ECHDC2: variants seen among roughly 807,000 people sequenced by gnomAD.
ECHDC2 encodes the protein enoyl-CoA hydratase domain-containing protein 2, mitochondrial.
A neutral mutation model predicts 40.6 loss-of-function variants in ECHDC2; 34 were observed. The observed-to-expected ratio is 0.84, with a 90% CI of 0.64 to 1.11. The LOEUF is 1.11. ECHDC2 is among the 50% of genes most tolerant of loss of function. ECHDC2 has a pLI of 0.00. For missense variants in ECHDC2, 392 were observed against 400.7 expected (o/e 0.98, Z 0.19); for synonymous variants, 162 against 166.6 (o/e 0.97, Z 0.21).
intron 4 of ECHDC2, 29 bp downstream of exon 4, chr1:52,907,839 C>T (rs1203250306): frequency 1.3e-6 from 2 of 1,591,304 alleles, no homozygotes; most frequent in African/African-American, 1.3e-5. Flanking sequence ...CCCCAAACCC[C>T]CTCCTCCACC....
At chr1:52,921,454 C>G (rs753308388) in intron 1 of ECHDC2, 99 bp downstream of exon 1, 2 of 1,461,610 alleles carry the variant, frequency 1.4e-6, no homozygotes, top group Non-Finnish European at 1.8e-6. Flanking sequence ...GACTGGGGAT[C>G]GAATCCTTCA....
intron 3 of ECHDC2, 44 bp from the exon 4 acceptor site, chr1:52,907,998 C>A: frequency 6.3e-7 from 1 of 1,584,448 alleles, no homozygotes; most frequent in Middle Eastern, 1.7e-4. Flanking sequence ...GAAAATGGCA[C>A]TTTACGGAAT....
At chr1:52,921,500 C>T in intron 1 of ECHDC2, 53 bp downstream of exon 1, 1 of 1,563,602 alleles carries the variant, frequency 6.4e-7, no homozygotes, top group Non-Finnish European at 8.6e-7. Context: ...TCCCCCGCTG[C>T]CTCCGGCCTA....
chr1:52,897,582 G>C, intron 8 of ECHDC2, 98 bp from the exon 9 acceptor site: 1 of 1,131,624 alleles, frequency 8.8e-7, no homozygotes, highest in Middle Eastern at 2.2e-4. Flanking sequence ...ATCTATATGA[G>C]CAGAGATAGC....
chr1:52,902,359 G>A (rs1309782570), intron 7 of ECHDC2, among the ~76,000 whole-genome samples: 1 of 152,104 alleles, frequency 6.6e-6, no homozygotes, highest in Non-Finnish European at 1.5e-5. Flanking sequence ...GTTTTGCCAT[G>A]TTGGCCAGGC....
At chr1:52,906,251 C>T (rs1304904266) in intron 5 of ECHDC2, 1 of 511,128 alleles carries the variant, frequency 2.0e-6, no homozygotes, top group Non-Finnish European at 3.7e-6. Context: ...CTCCTTGGCT[C>T]GTAACAGCAA....
Position 52,896,584 on chromosome 1 carries a change from C to G in ECHDC2, c.815G>C (p.Arg272Pro). The G allele has an allele frequency of 1.9e-6, 3 of 1,613,978 alleles. No individual in the cohort carries two copies. The highest frequency in any genetic ancestry group is 2.5e-6 in the Non-Finnish European group (3 of 1,179,932). Reference sequence around the variant, plus strand: ...GGCTGCCATGCCCTCTAGCCGGTCCCGGGTTGGAATATTCTGCAACAAGGT... The same window carrying G: ...GGCTGCCATGCCCTCTAGCCGGTCCGGGGTTGGAATATTCTGCAACAAGGT... Reference protein sequence around the residue: ...GMCYAQNIPTRDRLEGMAAFR... With the variant: ...GMCYAQNIPTPDRLEGMAAFR... The change falls in exon 10 of 10, where the codon CGG (arginine) becomes CCG (proline). Residue 272 changes from arginine (R) to proline (P), a missense_variant. By Grantham distance (103) the Arg-to-Pro change is moderately radical. Coordinates refer to ENST00000371522, the MANE Select transcript of ECHDC2 (RefSeq NM_001198961.2).
intron 3 of ECHDC2, among the ~76,000 whole-genome samples, chr1:52,910,352 G>GATTTTTTTTTTTTT (rs1649094598): frequency 3.1e-5 from 1 of 32,062 alleles, no homozygotes; most frequent in African/African-American, 1.1e-4. Flanking sequence ...CCACAATTTC[G>GATTTTTTTTTTTTT]TTTTTTTTTT....
At chr1:52,896,625 T>C in intron 9 of ECHDC2, 28 bp from the exon 10 acceptor site, 1 of 1,598,244 alleles carries the variant, frequency 6.3e-7, no homozygotes, top group African/African-American at 1.3e-5. Flanking sequence ...ATATTAGTTT[T>C]GGGGGAGCAG....
In ECHDC2 at chr1:52,896,047, CAG is replaced by C. The variant is rs1557466924; in HGVS notation, c.*471_*472del. The C allele has an allele frequency of 6.2e-6, 1 of 160,540 alleles. No homozygotes were observed. The highest frequency in any genetic ancestry group is 2.4e-5 in the African/African-American group (1 of 41,732). 9.9% of individuals were successfully genotyped at this position (160,540 alleles called of 1,614,324 possible). ...CCACGGTTATACAGCAAGTAACTGG[CAG>C]AGACTGGGATCTGCAGTCTGACCCC... On this transcript the variant is annotated 3_prime_UTR_variant, in exon 10 of 10. Coordinates refer to ENST00000371522, the MANE Select transcript of ECHDC2 (RefSeq NM_001198961.2).
intron 8 of ECHDC2, chr1:52,897,838 A>C: frequency 2.5e-6 from 1 of 393,678 alleles, no homozygotes; most frequent in East Asian, 5.1e-5. Flanking sequence ...GAGAAGTACC[A>C]TGTGTGTGTG....
chr1:52,901,623 T>G (rs1647000351), intron 7 of ECHDC2: 3 of 152,184 alleles, frequency 2.0e-5, no homozygotes, highest in Non-Finnish European at 4.4e-5. Flanking sequence ...AAACCTTTAT[T>G]CTGAGCACCC....
intron 1 of ECHDC2, chr1:52,920,570 T>C: frequency 1.5e-6 from 2 of 1,331,916 alleles, no homozygotes; most frequent in Non-Finnish European, 2.2e-6. Context: ...TGGCCACAAG[T>C]GGAATTAAGA....
At chr1:52,900,854 C>G (rs1377571778) in intron 7 of ECHDC2, 2 of 152,196 alleles carry the variant, frequency 1.3e-5, no homozygotes, top group Non-Finnish European at 2.9e-5. Context: ...ATTTAGGTAA[C>G]TACCCAATAA....
intron 1 of ECHDC2, 152 bp from the exon 2 acceptor site, chr1:52,911,942 C>A: frequency 6.9e-7 from 1 of 1,444,750 alleles, no homozygotes. Context: ...CTCAGGCAGG[C>A]CTCAATTTTC....
In ECHDC2 at chr1:52,905,064, C is replaced by CA. The variant is rs1209935869; in HGVS notation, c.483dup (p.Glu162Ter). On this transcript the variant is annotated frameshift_variant, in exon 6 of 10. Coordinates refer to ENST00000371522, the MANE Select transcript of ECHDC2 (RefSeq NM_001198961.2). LOFTEE classifies it high-confidence loss of function. Reference sequence around the variant, plus strand: ...CCCGGGAGGAGCCCTCGCGTGGTCTCAATCAGTCCCATGACTGCCGAGGAA... The same window carrying CA: ...CCCGGGAGGAGCCCTCGCGTGGTCTCAAATCAGTCCCATGACTGCCGAGGAA... 3 of 1,614,136 alleles carry CA rather than the reference C, an allele frequency of 1.9e-6. No homozygotes were observed. The highest frequency in any genetic ancestry group is 2.5e-6 in the Non-Finnish European group (3 of 1,180,024).
At chr1:52,899,390 G>C (rs1646845218) in intron 7 of ECHDC2, 166 bp from the exon 8 acceptor site, 1 of 638,144 alleles carries the variant, frequency 1.6e-6, no homozygotes, top group Non-Finnish European at 2.8e-6. Flanking sequence ...GTTAGCTGAG[G>C]TTCTTTTTCT....
intron 8 of ECHDC2, chr1:52,898,633 C>A (rs1646790040): frequency 6.1e-6 from 1 of 164,930 alleles, no homozygotes; most frequent in African/African-American, 2.4e-5. Context: ...CTGTATCTGC[C>A]CCCTCCCGGG....
rs1268023868 is a variant in ECHDC2, at chr1:52,905,069, A to C, written c.479T>G (p.Leu160Arg). The C allele has an allele frequency of 6.2e-7, 1 of 1,614,174 alleles. No individual in the cohort carries two copies. Among genetic ancestry groups the C allele is most frequent in the South Asian group, 1.1e-5 (1 of 91,088 alleles). ...GAGGAGCCCTCGCGTGGTCTCAATC[A>C]GTCCCATGACTGCCGAGGAAGCTGC... The part of the protein sequence containing the change: ...RVAASSAVMG[L>R]IETTRGLLPG... The change falls in exon 6 of 10, where the codon CTG becomes CGG. Residue 160 changes from leucine (L) to arginine (R), a missense_variant. Physicochemically the swap from Leu to Arg is moderately radical, Grantham distance 102 (BLOSUM62 -2). Coordinates refer to ENST00000371522, the MANE Select transcript of ECHDC2 (RefSeq NM_001198961.2).
Sources: allele counts gnomAD v4.1 joint callset (sites outside exome capture counted in the v4.1 genomes callset), GRCh38; gene constraint gnomAD v4.1.1; transcripts MANE v1.5; gene names NCBI Gene and HGNC (gene_info 2026-07-23, HGNC 2026-07-21).